The following PALM2AKAP2 variants were observed in gnomAD, a reference collection of about 807,000 sequenced individuals.
PALM2AKAP2 encodes the protein PALM2 and AKAP2 fusion, also known as PALM2-AKAP2 fusion protein.
Under a neutral mutation model 71.5 loss-of-function variants are expected in PALM2AKAP2, and 37 were observed. That is an observed-to-expected ratio of 0.52 (90% CI 0.40 to 0.68). The LOEUF (loss-of-function observed/expected upper bound fraction) is 0.68. Ranked by LOEUF, PALM2AKAP2 falls within the 30% of genes least tolerant of loss-of-function variation. PALM2AKAP2 has a pLI of 0.00. For synonymous variants in PALM2AKAP2, 468 were observed against 478.8 expected, an observed-to-expected ratio of 0.98 and a Z score of 0.29; for missense variants, 1,224 against 1,191.8, an observed-to-expected ratio of 1.03 and a Z score of -0.40.
At chr9:109,744,906 C>G (rs1344932975) in intron 1 of PALM2AKAP2, among the ~76,000 whole-genome samples, 1 of 152,206 alleles carries the variant, frequency 6.6e-6, no homozygotes, top group Middle Eastern at 3.2e-3. Flanking sequence ...GCTCTCTCCT[C>G]TCTTCCGGAA....
At chr9:110,155,005 C>A (rs913450372) in intron 2 of PALM2AKAP2, among the ~76,000 whole-genome samples, 1 of 152,292 alleles carries the variant, frequency 6.6e-6, no homozygotes, top group East Asian at 1.9e-4. Context: ...TAGTCAGTCA[C>A]GTAGCCAAGT....
intron 6 of PALM2AKAP2, among the ~76,000 whole-genome samples, chr9:109,989,044 T>C (rs1312374908): frequency 6.6e-6 from 1 of 152,132 alleles, no homozygotes; most frequent in Non-Finnish European, 1.5e-5. Context: ...GAACTATGAG[T>C]CCATTAAACC....
intron 1 of PALM2AKAP2, among the ~76,000 whole-genome samples, chr9:109,846,050 G>C (rs181699933): frequency 3.9e-5 from 6 of 152,194 alleles, no homozygotes; most frequent in Non-Finnish European, 7.4e-5. Flanking sequence ...AGGGCCATGT[G>C]GGGGGCAGTG....
chr9:109,855,073 C>T (rs1027497630), intron 1 of PALM2AKAP2, among the ~76,000 whole-genome samples: 2 of 146,506 alleles, frequency 1.4e-5, no homozygotes, highest in African/African-American at 5.1e-5. Flanking sequence ...TGGTGCCCCC[C>T]CCTTTTTTTG....
intron 1 of PALM2AKAP2, among the ~76,000 whole-genome samples, chr9:110,085,461 A>C (rs1266575342): frequency 6.7e-6 from 1 of 148,222 alleles, no homozygotes; most frequent in Non-Finnish European, 1.5e-5. Flanking sequence ...GAACAGGTGG[A>C]TTTCTTGATG....
intron 6 of PALM2AKAP2, among the ~76,000 whole-genome samples, chr9:110,005,460 C>A (rs1293932503): frequency 6.6e-6 from 1 of 152,224 alleles, no homozygotes; most frequent in African/African-American, 2.4e-5. Context: ...CCCAGTTAGG[C>A]TACTCGGGGG....
At chr9:109,914,218 A>G (rs114605846) in intron 3 of PALM2AKAP2, among the ~76,000 whole-genome samples, 2,473 of 152,328 alleles carry the variant, frequency 0.016, 59 homozygotes, top group African/African-American at 0.057. Flanking sequence ...GTCAACAGTG[A>G]CCAAGATGGC....
intron 1 of PALM2AKAP2, among the ~76,000 whole-genome samples, chr9:110,071,426 G>T (rs1834206141): frequency 6.6e-6 from 1 of 152,180 alleles, no homozygotes; most frequent in Non-Finnish European, 1.5e-5. Flanking sequence ...CATTGGTAAA[G>T]ATCTTCTCTG....
At chr9:110,090,289 A>G (rs941664144) in intron 1 of PALM2AKAP2, 11 of 453,998 alleles carry the variant, frequency 2.4e-5, no homozygotes, top group Admixed American at 7.1e-5. Context: ...GTGTCCTTAC[A>G]TCGGATGTCC....
chr9:109,853,329 C>T lies in PALM2AKAP2; in HGVS notation c.46-14162C>T, dbSNP rs561992390. Among the ~76,000 whole-genome samples, 25 of 152,340 alleles carry T rather than the reference C, an allele frequency of 1.6e-4. No homozygotes were observed. The South Asian group carries it at 5.2e-3, about 32-fold the overall frequency. ...GCACCTCTCATCTCAAGTTATATTG[C>T]TAGTGACAAAACCTTTGGCATTTCA... On this transcript the variant is annotated intron_variant, in intron 1 of 9. Transcript: ENST00000302798.
At chr9:110,048,942 G>A in intron 1 of PALM2AKAP2, 1 of 1,398,096 alleles carries the variant, frequency 7.2e-7, no homozygotes, top group East Asian at 2.9e-5. Context: ...CCGAGGAAGG[G>A]CTGGAAATCT....
intron 1 of PALM2AKAP2, among the ~76,000 whole-genome samples, chr9:109,754,100 T>G (rs1479134985): frequency 6.6e-6 from 1 of 152,194 alleles, no homozygotes; most frequent in Non-Finnish European, 1.5e-5. Flanking sequence ...CCTTGATTTT[T>G]CCTTTATTAG....
At chr9:109,731,831 G>A (rs559007096) in intron 1 of PALM2AKAP2, among the ~76,000 whole-genome samples, 1 of 152,302 alleles carries the variant, frequency 6.6e-6, no homozygotes, top group Admixed American at 6.5e-5. Flanking sequence ...ATTCATATGT[G>A]TGGCATGTGC....
At chr9:110,015,675 C>T (rs560980568) in intron 6 of PALM2AKAP2, among the ~76,000 whole-genome samples, 10 of 152,248 alleles carry the variant, frequency 6.6e-5, no homozygotes, top group Admixed American at 1.3e-4. Context: ...TCATCCCAGC[C>T]TCTTCTCCAC....
rs139264248 is a variant in PALM2AKAP2, at chr9:109,840,584, T to G, written c.46-26907T>G. Among the ~76,000 whole-genome samples the G allele has an allele frequency of 1.4e-3, 212 of 152,260 alleles. 1 individual carries two copies. Among genetic ancestry groups the G allele is most frequent in the African/African-American group, 4.9e-3 (205 of 41,536 alleles). ...CTACCATCAGAGTGAACAGGCAACC[T>G]ACAGAATGGGAGAACATTTTTGCAA... is the stretch of plus-strand genomic sequence containing the variant. On this transcript the variant is annotated intron_variant, in intron 1 of 9. Coordinates refer to the PALM2AKAP2 transcript ENST00000302798.
intron 3 of PALM2AKAP2, among the ~76,000 whole-genome samples, chr9:109,916,443 G>A (rs1457897699): frequency 1.3e-5 from 2 of 152,174 alleles, no homozygotes; most frequent in African/African-American, 2.4e-5. Context: ...GGACGGAAAC[G>A]GCGAGAACCT....
intron 1 of PALM2AKAP2, among the ~76,000 whole-genome samples, chr9:109,737,590 G>A (rs1436364588): frequency 6.6e-6 from 1 of 152,216 alleles, no homozygotes; most frequent in Non-Finnish European, 1.5e-5. Context: ...AAAGGTTGAA[G>A]GAAAACAGGA....
chr9:109,905,460 A>G (rs1056113001), intron 3 of PALM2AKAP2, among the ~76,000 whole-genome samples: 1 of 152,242 alleles, frequency 6.6e-6, no homozygotes, highest in Non-Finnish European at 1.5e-5. Context: ...TATTTTATCT[A>G]AGACAGGAAA....
At chr9:110,019,245 A>C (rs1833032404) in intron 7 of PALM2AKAP2, among the ~76,000 whole-genome samples, 1 of 151,418 alleles carries the variant, frequency 6.6e-6, no homozygotes, top group East Asian at 1.9e-4. Context: ...TCTCAAAAAA[A>C]AAAAAAAAAA....
Sources: allele counts gnomAD v4.1 joint callset (sites outside exome capture counted in the v4.1 genomes callset), GRCh38; gene constraint gnomAD v4.1.1; transcripts MANE v1.5; gene names NCBI Gene and HGNC (gene_info 2026-07-23, HGNC 2026-07-21).